DSCAML1: variants seen among roughly 807,000 people sequenced by gnomAD.
DSCAML1 encodes DS cell adhesion molecule like 1.
DSCAML1 carries 38 observed loss-of-function variants against 200.5 expected under a neutral mutation model. That is an observed-to-expected ratio of 0.19 (90% CI 0.15 to 0.25). The LOEUF is 0.25. Ranked by LOEUF, DSCAML1 falls within the 10% of genes least tolerant of loss-of-function variation. DSCAML1 has a pLI of 1.00. For missense variants in DSCAML1, 2,223 were observed against 2,858.8 expected, an observed-to-expected ratio of 0.78 and a Z score of 5.07; for synonymous variants, 1,215 against 1,165.0, an observed-to-expected ratio of 1.04 and a Z score of -0.87.
At chr11:117,803,064 TG>T (rs1565293567) in intron 1 of DSCAML1, among the ~76,000 whole-genome samples, 1 of 144,386 alleles carries the variant, frequency 6.9e-6, no homozygotes. Context: ...GTGAACATTT[TG>T]GGGGGATCTG....
At chr11:117,549,656 G>T (rs200765080) in intron 3 of DSCAML1, among the ~76,000 whole-genome samples, 2 of 152,170 alleles carry the variant, frequency 1.3e-5, no homozygotes, top group Non-Finnish European at 1.5e-5. Flanking sequence ...ATGACTTACA[G>T]CTTCCCATCC....
chr11:117,494,656 C>T (rs1327576774), intron 11 of DSCAML1, among the ~76,000 whole-genome samples: 1 of 152,174 alleles, frequency 6.6e-6, no homozygotes, highest in Non-Finnish European at 1.5e-5. Context: ...CGGGGACTTA[C>T]TTGGAAATAA....
At chr11:117,744,784 C>G (rs969055208) in intron 3 of DSCAML1, among the ~76,000 whole-genome samples, 34 of 152,352 alleles carry the variant, frequency 2.2e-4, no homozygotes, top group Admixed American at 3.3e-4. Flanking sequence ...CCTGGAGACC[C>G]ACGGGAGACC....
chr11:117,431,921 G>C lies in DSCAML1; in HGVS notation c.5180-193C>G, dbSNP rs2368156. On this transcript the variant is annotated intron_variant, in intron 30 of 32. Coordinates refer to ENST00000651296, the MANE Select transcript of DSCAML1 (RefSeq NM_020693.4). ...AGAAGAGCAATCGAGTCAAGGTTGG[G>C]GAGGGGGCAGTGGAGGGCATTCTCC... 6.0e-3 allele frequency among the ~76,000 whole-genome samples: 916 copies of C among 152,200 alleles called. 15 individuals are homozygous for C. Among genetic ancestry groups the C allele is most frequent in the East Asian group, 0.043 (220 of 5,170 alleles).
At chr11:117,773,587 G>C (rs1196943421) in intron 3 of DSCAML1, among the ~76,000 whole-genome samples, 2 of 151,774 alleles carry the variant, frequency 1.3e-5, no homozygotes, top group Admixed American at 6.6e-5. Context: ...ACTGGGCATA[G>C]TGTGAATATG....
chr11:117,439,471 C>A (rs759602825), intron 22 of DSCAML1, 42 bp from the exon 23 acceptor site: 4 of 1,590,366 alleles, frequency 2.5e-6, no homozygotes, highest in Non-Finnish European at 3.4e-6. Flanking sequence ...ATGTCAAGCA[C>A]CCCTTCCTCC....
At chr11:117,431,949 G>T (rs975081957) in intron 30 of DSCAML1, among the ~76,000 whole-genome samples, 1 of 151,980 alleles carries the variant, frequency 6.6e-6, no homozygotes, top group Non-Finnish European at 1.5e-5. Flanking sequence ...CATTCTCCCC[G>T]CCCACCCCAT....
intron 3 of DSCAML1, among the ~76,000 whole-genome samples, chr11:117,752,038 C>CTG (rs372303288): frequency 0.11 from 16,973 of 150,628 alleles, 1,893 homozygotes; most frequent in African/African-American, 0.28. Flanking sequence ...AACCTCAGCT[C>CTG]TGTGTGTGTG....
chr11:117,699,948 G>C (rs1261682409), intron 3 of DSCAML1, among the ~76,000 whole-genome samples: 1 of 152,220 alleles, frequency 6.6e-6, no homozygotes, highest in Non-Finnish European at 1.5e-5. Flanking sequence ...AGCCTAAGCT[G>C]ACAGAGGGTC....
chr11:117,594,322 T>TC (rs748084986), intron 3 of DSCAML1, among the ~76,000 whole-genome samples: 23 of 152,242 alleles, frequency 1.5e-4, no homozygotes, highest in Non-Finnish European at 2.6e-4. Flanking sequence ...ACATTTAGTA[T>TC]CCTTGGGTTT....
intron 3 of DSCAML1, among the ~76,000 whole-genome samples, chr11:117,577,468 TCC>T (rs1942070392): frequency 3.2e-5 from 1 of 31,532 alleles, no homozygotes; most frequent in African/African-American, 1.2e-4. Context: ...TTTCCTTCCT[TCC>T]TTCCTTCCTT....
intron 3 of DSCAML1, among the ~76,000 whole-genome samples, chr11:117,705,652 C>T (rs190117539): frequency 3.9e-5 from 6 of 152,174 alleles, no homozygotes; most frequent in Non-Finnish European, 7.3e-5. Flanking sequence ...TCCTGTCTAA[C>T]GTCTTGCCTC....
intron 1 of DSCAML1, among the ~76,000 whole-genome samples, chr11:117,814,754 A>G (rs1172769690): frequency 6.6e-6 from 1 of 152,204 alleles, no homozygotes; most frequent in African/African-American, 2.4e-5. Flanking sequence ...AGGGTGCTAG[A>G]GAGAGCAGGT....
chr11:117,726,936 C>T (rs1394957037), intron 3 of DSCAML1, among the ~76,000 whole-genome samples: 3 of 152,118 alleles, frequency 2.0e-5, no homozygotes, highest in South Asian at 2.1e-4. Context: ...CCAGGCAGCA[C>T]GTAGCCTACT....
intron 3 of DSCAML1, among the ~76,000 whole-genome samples, chr11:117,657,149 C>G (rs1244884333): frequency 6.6e-6 from 1 of 152,204 alleles, no homozygotes; most frequent in Non-Finnish European, 1.5e-5. Flanking sequence ...CACCTCTGCC[C>G]TGTCCATCAA....
intron 3 of DSCAML1, among the ~76,000 whole-genome samples, chr11:117,668,145 T>C (rs1164832938): frequency 1.3e-5 from 2 of 152,244 alleles, no homozygotes; most frequent in African/African-American, 4.8e-5. Context: ...TATTCTGAAA[T>C]GTCTACTATA....
rs77782039 is a variant in DSCAML1 at position 117,495,960 on chromosome 11, G to T, written c.2359+7885C>A. 9.2e-5 allele frequency among the ~76,000 whole-genome samples: 14 copies of T among 152,248 alleles called. No homozygotes were observed. The East Asian group carries it at 2.3e-3, about 25-fold the overall frequency. ...ATTCCTCTAGTCTCCAGCAGCCTCC[G>T]TCTGGTCAGGTGAGCGCCTCATTGC... On this transcript the variant is annotated intron_variant, in intron 11 of 32. Transcript: ENST00000651296.
At chr11:117,545,690 CAG>C (rs1263661888) in intron 3 of DSCAML1, among the ~76,000 whole-genome samples, 1 of 152,104 alleles carries the variant, frequency 6.6e-6, no homozygotes, top group Non-Finnish European at 1.5e-5. Context: ...CGGTGGGCAT[CAG>C]GGGCCAGGAG....
intron 3 of DSCAML1, among the ~76,000 whole-genome samples, chr11:117,572,597 G>A (rs1173772832): frequency 6.6e-6 from 1 of 152,178 alleles, no homozygotes; most frequent in Non-Finnish European, 1.5e-5. Context: ...AACCCATGGT[G>A]GGCAAATAGT....
Sources: allele counts gnomAD v4.1 joint callset (sites outside exome capture counted in the v4.1 genomes callset), GRCh38; gene constraint gnomAD v4.1.1; transcripts MANE v1.5; gene names NCBI Gene and HGNC (gene_info 2026-07-23, HGNC 2026-07-21).